MGST3: variants seen among roughly 807,000 people sequenced by gnomAD.
The protein encoded by MGST3 is microsomal glutathione S-transferase 3.
Under a neutral mutation model 15.8 loss-of-function variants are expected in MGST3, and 13 were observed. The ratio of observed to expected loss-of-function variants is 0.82; its 90% CI spans 0.54 to 1.31. MGST3 has a LOEUF of 1.31. MGST3 is among the 50% of genes most tolerant of loss of function. The pLI is 0.00. For synonymous variants in MGST3, 49 were observed against 68.1 expected, an observed-to-expected ratio of 0.72 and a Z score of 1.38; for missense variants, 155 against 192.4, an observed-to-expected ratio of 0.81 and a Z score of 1.15.
intron 1 of MGST3, among the ~76,000 whole-genome samples, chr1:165,641,142 C>T (rs1160149364): frequency 6.6e-6 from 1 of 152,130 alleles, no homozygotes; most frequent in Non-Finnish European, 1.5e-5. Flanking sequence ...TAGATCGTGC[C>T]ACTTCACTCT....
intron 1 of MGST3, among the ~76,000 whole-genome samples, chr1:165,640,090 C>T (rs143323111): frequency 1.5e-3 from 230 of 152,214 alleles, no homozygotes; most frequent in African/African-American, 5.3e-3. Flanking sequence ...GATGGAGAAC[C>T]TAGAACTCTG....
rs74118846 is a variant in MGST3, at chr1:165,631,763, A to G, written c.-8+470A>G. Reference sequence around the variant, plus strand: ...TGGTTTCAGAAGTGGCCTGTGAGCAATGCACCCGCTGCGGTGGGGATGTGT... The same window carrying G: ...TGGTTTCAGAAGTGGCCTGTGAGCAGTGCACCCGCTGCGGTGGGGATGTGT... On this transcript the variant is annotated intron_variant, in intron 1 of 5. Coordinates refer to ENST00000367889, the MANE Select transcript of MGST3 (RefSeq NM_004528.4). Among the ~76,000 whole-genome samples the G allele has an allele frequency of 3.5e-3, 539 of 152,290 alleles. 4 individuals are homozygous for G. Among genetic ancestry groups the G allele is most frequent in the African/African-American group, 0.012 (513 of 41,554 alleles).
intron 1 of MGST3, among the ~76,000 whole-genome samples, chr1:165,644,837 C>T (rs572626895): frequency 6.6e-6 from 1 of 152,268 alleles, no homozygotes; most frequent in South Asian, 2.1e-4. Flanking sequence ...CGGCTCACTG[C>T]AACCTCCACC....
At chr1:165,645,981 C>T (rs543679512) in intron 1 of MGST3, 6 of 152,174 alleles carry the variant, frequency 3.9e-5, no homozygotes, top group Admixed American at 2.0e-4. Flanking sequence ...TCTAGCACTA[C>T]GTAGAAGAGA....
intron 4 of MGST3, 185 bp from the exon 5 acceptor site, chr1:165,654,094 A>G: frequency 1.6e-6 from 1 of 618,754 alleles, no homozygotes; most frequent in South Asian, 1.8e-5. Context: ...CATTCATAGA[A>G]GAATCACAGA....
chr1:165,651,116 G>A, intron 3 of MGST3, 29 bp downstream of exon 3: 1 of 1,602,528 alleles, frequency 6.2e-7, no homozygotes, highest in Non-Finnish European at 8.6e-7. Context: ...GGGCACCAAA[G>A]ACATCTGCAG....
intron 1 of MGST3, among the ~76,000 whole-genome samples, chr1:165,644,454 C>T (rs1292897543): frequency 6.6e-6 from 1 of 152,108 alleles, no homozygotes; most frequent in East Asian, 1.9e-4. Flanking sequence ...AAATGGTACA[C>T]CTGTAGAAGG....
rs1417695741 is a variant in MGST3 at position 165,652,780 on chromosome 1, A to G, written c.249+745A>G. On this transcript the variant is annotated intron_variant, in intron 4 of 5. Transcript: ENST00000367889. ...GGAGAGGGGCAGCAACAGAGGGCAG[A>G]GGGGTGATGAGGCAGGTCACTGGGG... Among the ~76,000 whole-genome samples, 6 of 152,200 alleles carry G rather than the reference A, an allele frequency of 3.9e-5. No homozygotes were observed. The East Asian group carries it at 1.2e-3, about 29-fold the overall frequency.
chr1:165,651,342 T>A (rs1483713455), intron 3 of MGST3: 1 of 534,000 alleles, frequency 1.9e-6, no homozygotes, highest in Admixed American at 3.0e-5. Context: ...TACTACAGTT[T>A]TGCAGCATGA....
chr1:165,652,799 A>G (rs796652813), intron 4 of MGST3, among the ~76,000 whole-genome samples: 1 of 152,332 alleles, frequency 6.6e-6, no homozygotes, highest in African/African-American at 2.4e-5. Flanking sequence ...GAGGCAGGTC[A>G]CTGGGGACTT....
chr1:165,637,178 C>G (rs1648135114), intron 1 of MGST3: 2 of 149,502 alleles, frequency 1.3e-5, no homozygotes, highest in African/African-American at 4.9e-5. Flanking sequence ...TGTCATTGTC[C>G]CATCCCTGGA....
At chr1:165,649,456 A>G in intron 1 of MGST3, 1 of 174,770 alleles carries the variant, frequency 5.7e-6, no homozygotes, top group South Asian at 9.4e-5. Context: ...CCCCCTCCCT[A>G]TGTAATGTAT....
chr1:165,644,991 C>A (rs1648359349), intron 1 of MGST3, among the ~76,000 whole-genome samples: 2 of 152,254 alleles, frequency 1.3e-5, no homozygotes, highest in Admixed American at 1.3e-4. Flanking sequence ...GAACTCCTGA[C>A]CTCAAGTGAT....
chr1:165,644,233 C>T (rs867953016), intron 1 of MGST3, among the ~76,000 whole-genome samples: 2 of 152,072 alleles, frequency 1.3e-5, no homozygotes, highest in Non-Finnish European at 2.9e-5. Flanking sequence ...GTGAGAATAT[C>T]GTACAGTGTA....
chr1:165,652,681 C>T (rs140327379), intron 4 of MGST3, among the ~76,000 whole-genome samples: 3 of 152,188 alleles, frequency 2.0e-5, no homozygotes, highest in Admixed American at 2.0e-4. Flanking sequence ...CAACCTCCAG[C>T]CAGAAGACAA....
intron 3 of MGST3, chr1:165,651,650 T>A: frequency 2.9e-6 from 1 of 346,882 alleles, no homozygotes; most frequent in East Asian, 7.5e-5. Context: ...ACACCTGTAA[T>A]CCCAGCACTT....
rs542496705 is a variant in MGST3 at position 165,656,032 on chromosome 1, C to T, written c.*528C>T. The T allele has an allele frequency of 1.2e-3, 206 of 175,034 alleles. No individual in the cohort carries two copies. Among genetic ancestry groups the T allele is most frequent in the African/African-American group, 4.6e-3 (194 of 41,726 alleles). 10.8% of individuals were successfully genotyped at this position (175,034 alleles called of 1,614,324 possible). On this transcript the variant is annotated 3_prime_UTR_variant, in exon 6 of 6. Transcript: ENST00000367889. ...CTAAGGTGGGAGGATCACTTGAGCC[C>T]AGGGTGTCAAGGCTGCAGTGAGTTA... is the stretch of plus-strand genomic sequence containing the variant.
In MGST3 at chr1:165,655,728, T is replaced by G. The variant is rs9333488; in HGVS notation, c.*224T>G. On this transcript the variant is annotated 3_prime_UTR_variant, in exon 6 of 6. Transcript: ENST00000367889. Reference sequence around the variant, plus strand: ...AAGTATTGTGCCCTCTCCTCACCCTTCCAGCAGATGCTTCTGTAGTATGTG... The same window carrying G: ...AAGTATTGTGCCCTCTCCTCACCCTGCCAGCAGATGCTTCTGTAGTATGTG... 1,107 of 568,308 alleles carry G rather than the reference T, an allele frequency of 1.9e-3. 9 individuals are homozygous for G. Among genetic ancestry groups the G allele is most frequent in the African/African-American group, 0.011 (602 of 52,900 alleles). The allele number at this position is 568,308 out of a possible 1,614,324, so 35.2% of individuals were successfully genotyped here.
Position 165,654,299 on chromosome 1 carries a change from C to T in MGST3, c.270C>T (p.Gly90=), listed in dbSNP as rs779343755. Residue 90 remains glycine (G), a synonymous_variant, in exon 5 of 6, where the codon GGC becomes GGT. Coordinates refer to ENST00000367889, the MANE Select transcript of MGST3 (RefSeq NM_004528.4). Reference sequence around the variant, plus strand: ...CTTAGCGTATAGCTTCTGGCCTGGGCTTGGCCTGGATTGTTGGACGAGTTC... The same window carrying T: ...CTTAGCGTATAGCTTCTGGCCTGGGTTTGGCCTGGATTGTTGGACGAGTTC... ...VYHPRIASGL[G]LAWIVGRVLY... is the part of the protein sequence containing the mutation. The T allele has an allele frequency of 1.0e-4, 163 of 1,614,128 alleles. 1 individual carries two copies. In the South Asian group the frequency reaches 1.4e-3, roughly 14 times the overall value.
Sources: allele counts gnomAD v4.1 joint callset (sites outside exome capture counted in the v4.1 genomes callset), GRCh38; gene constraint gnomAD v4.1.1; transcripts MANE v1.5; gene names NCBI Gene and HGNC (gene_info 2026-07-23, HGNC 2026-07-21).